The following FANCI variants were observed in gnomAD, a reference collection of about 807,000 sequenced individuals.
FANCI encodes the protein FA complementation group I.
In FANCI, 156 loss-of-function variants were observed where a neutral mutation model predicts 176.1. The observed-to-expected ratio is 0.89, with a 90% CI of 0.78 to 1.01. FANCI has a LOEUF of 1.01. FANCI is among the 50% of genes least tolerant of loss of function. The probability of loss-of-function intolerance (pLI) is 0.00; values close to 1 mark genes in which losing one functional copy is unlikely to be tolerated. For synonymous variants in FANCI, 613 were observed against 541.7 expected (o/e 1.13, Z -1.83); for missense variants, 1,678 against 1,534.1 (o/e 1.09, Z -1.57).
At chr15:89,307,964 A>G in intron 34 of FANCI, 1 of 1,293,938 alleles carries the variant, frequency 7.7e-7, no homozygotes, top group Non-Finnish European at 9.9e-7. Context: ...TTCCTGGGTG[A>G]CTGAAAGTCC....
Position 89,273,375 on chromosome 15 carries a change from AGGTAG to A in FANCI, c.883_887del (p.Val295ThrfsTer7). 3 of 1,524,620 alleles carry A rather than the reference AGGTAG, an allele frequency of 2.0e-6. No homozygotes were observed. The highest frequency in any genetic ancestry group is 2.7e-6 in the Non-Finnish European group (3 of 1,101,220). 94.4% of individuals were successfully genotyped at this position (1,524,620 alleles called of 1,614,324 possible). On this transcript the variant is annotated splice_acceptor_variant and coding_sequence_variant, in exon 11 of 38. Coordinates refer to ENST00000310775, the MANE Select transcript of FANCI (RefSeq NM_001113378.2). LOFTEE classifies it high-confidence loss of function. Reference sequence around the variant, plus strand: ...GACTTCCTTTTGGTTGCTCTCTTCTAGGTAGGACAGCAAGGAGATTCCAATAATAA... The same window carrying A: ...GACTTCCTTTTGGTTGCTCTCTTCTAGACAGCAAGGAGATTCCAATAATAA...
intron 10 of FANCI, among the ~76,000 whole-genome samples, chr15:89,270,339 T>C (rs1596262567): frequency 6.6e-6 from 1 of 152,324 alleles, no homozygotes; most frequent in East Asian, 1.9e-4. Flanking sequence ...TCTTCATTTA[T>C]AGGTACATAT....
In FANCI at chr15:89,263,996, G is replaced by C. The variant is rs1357496291; in HGVS notation, c.639G>C (p.Leu213Phe). The C allele has an allele frequency of 8.7e-6, 14 of 1,613,878 alleles. No individual in the cohort carries two copies. In the Admixed American group the frequency reaches 2.3e-4, roughly 27 times the overall value. Residue 213 changes from leucine to phenylalanine, a missense_variant, in exon 8 of 38, where the codon TTG (leucine) becomes TTC (phenylalanine). Leu to Phe is a conservative substitution (Grantham distance 22). Coordinates refer to ENST00000310775, the MANE Select transcript of FANCI (RefSeq NM_001113378.2). ...TGAATCTTCAAGAAATACCACCTTT[G>C]GTCTATCAGCTTCTGGTTCTCTCCT... Reference protein sequence around the residue: ...SKMNLQEIPPLVYQLLVLSSK... With the variant: ...SKMNLQEIPPFVYQLLVLSSK...
intron 10 of FANCI, among the ~76,000 whole-genome samples, chr15:89,268,972 A>T (rs983664073): frequency 6.6e-6 from 1 of 152,208 alleles, no homozygotes; most frequent in Non-Finnish European, 1.5e-5. Context: ...GTCATTCATC[A>T]TGAAGTATTT....
intron 1 of FANCI, 23 bp from the exon 2 acceptor site, chr15:89,247,606 C>T (rs771902313): frequency 2.0e-6 from 3 of 1,522,892 alleles, no homozygotes; most frequent in Middle Eastern, 1.7e-4. Flanking sequence ...TCTTCACCCA[C>T]CTCTGACGTT....
At position 89,261,841 on chromosome 15, in the gene FANCI, T is replaced by C. The variant is rs754278545; in HGVS notation, c.466T>C (p.Cys156Arg). Residue 156 changes from cysteine (C) to arginine (R), a missense_variant, in exon 6 of 38, where the codon TGT (cysteine) becomes CGT (arginine). Coordinates refer to ENST00000310775, the MANE Select transcript of FANCI (RefSeq NM_001113378.2). ...YGKGVLSGEE[C>R]KKQLINTLCS... Reference sequence around the variant, plus strand: ...TCTAGGTGTACTGAGTGGGGAAGAATGTAAGAAACAGTTGATTAACACCCT... The same window carrying C: ...TCTAGGTGTACTGAGTGGGGAAGAACGTAAGAAACAGTTGATTAACACCCT... 9.3e-6 allele frequency: 15 copies of C among 1,614,012 alleles called. No individual in the cohort carries two copies. Among genetic ancestry groups the C allele is most frequent in the Non-Finnish European group, 1.2e-5 (14 of 1,180,006 alleles).
At chr15:89,247,160 T>G (rs2052025731) in intron 1 of FANCI, among the ~76,000 whole-genome samples, 1 of 151,074 alleles carries the variant, frequency 6.6e-6, no homozygotes, top group South Asian at 2.1e-4. Context: ...AGCCTCACAC[T>G]CTTGGGCTCC....
chr15:89,247,009 T>C (rs59329202), intron 1 of FANCI, among the ~76,000 whole-genome samples: 2,046 of 151,658 alleles, frequency 0.013, 30 homozygotes, highest in African/African-American at 0.047. Context: ...GACTTCGTGA[T>C]CTGCCCTCCT....
At position 89,295,675 on chromosome 15, in the gene FANCI, GA is replaced by G. The variant is rs930803424; in HGVS notation, c.2636+588del. On this transcript the variant is annotated intron_variant, in intron 24 of 37. Coordinates refer to ENST00000310775, the MANE Select transcript of FANCI (RefSeq NM_001113378.2). The stretch of plus-strand genomic sequence containing the variant: ...GAGCGAAACTCCATCTTAAAAGAGT[GA>G]AAAAAAGTGCAGTCATTGACATAGG... 1.3e-5 allele frequency among the ~76,000 whole-genome samples: 2 copies of G among 148,896 alleles called. 1 individual carries two copies. Among genetic ancestry groups the G allele is most frequent in the Admixed American group, 1.3e-4 (2 of 14,978 alleles).
chr15:89,245,149 A>G (rs572034016), intron 1 of FANCI: 1 of 149,920 alleles, frequency 6.7e-6, no homozygotes, highest in Non-Finnish European at 1.5e-5. Context: ...TTAACAACCT[A>G]TACTGAGCTT....
At chr15:89,271,252 A>T (rs114541487) in intron 10 of FANCI, among the ~76,000 whole-genome samples, 1,894 of 152,202 alleles carry the variant, frequency 0.012, 34 homozygotes, top group African/African-American at 0.043. Context: ...CTGTCACTAT[A>T]ATCCAATTTT....
chr15:89,247,654 C>G lies in FANCI; in HGVS notation c.7C>G (p.Gln3Glu). The change falls in exon 2 of 38, where the codon CAG (glutamine) becomes GAG (glutamate). Residue 3 changes from glutamine (Q) to glutamate (E), a missense_variant. Physicochemically the swap from Gln to Glu is conservative, Grantham distance 29. Coordinates refer to ENST00000310775, the MANE Select transcript of FANCI (RefSeq NM_001113378.2). MDQKILSLAAEKT... is the reference protein window; with the variant it reads MDEKILSLAAEKT... ...TTCTGTGATATGAGCAACAATGGAC[C>G]AGAAGATTTTATCTCTAGCAGCAGA... 6.2e-7 allele frequency: 1 copy of G among 1,613,834 alleles called. No individual in the cohort carries two copies. Among genetic ancestry groups the G allele is most frequent in the Non-Finnish European group, 8.5e-7 (1 of 1,179,856 alleles).
intron 10 of FANCI, among the ~76,000 whole-genome samples, chr15:89,271,049 TC>T (rs1405882796): frequency 1.3e-5 from 2 of 152,222 alleles, no homozygotes; most frequent in East Asian, 3.8e-4. Context: ...TTTGATCCAG[TC>T]TGTTGTTTTC....
intron 25 of FANCI, 128 bp downstream of exon 25, chr15:89,300,094 A>G: frequency 2.6e-6 from 3 of 1,139,786 alleles, no homozygotes; most frequent in Non-Finnish European, 4.0e-6. Flanking sequence ...AGTGACATCT[A>G]GTGGATTCAG....
Position 89,293,750 on chromosome 15 carries a change from G to A in FANCI, c.2292-83G>A, listed in dbSNP as rs905712582. ...CGTCTAAAATATGACATTTAAAGAA[G>A]CATTGTGATTATTATCATATGTAAA... On this transcript the variant is annotated intron_variant, in intron 22 of 37. Transcript: ENST00000310775. 4.8e-6 allele frequency: 6 copies of A among 1,244,960 alleles called. No homozygotes were observed. The African/African-American group carries it at 7.5e-5, about 15-fold the overall frequency. The allele number at this position is 1,244,960 out of a possible 1,614,324, so 77.1% of individuals were successfully genotyped here. A position where few individuals can be genotyped will look rare whatever the true frequency, so the allele number is the denominator to read the frequency against.
chr15:89,251,084 CAG>C (rs1272441219), intron 2 of FANCI, among the ~76,000 whole-genome samples: 21 of 152,082 alleles, frequency 1.4e-4, no homozygotes, highest in African/African-American at 2.4e-5. Flanking sequence ...ATAATCAAAA[CAG>C]TGGAGTAAAA....
chr15:89,315,527 G>T, intron 37 of FANCI, 138 bp downstream of exon 37: 1 of 700,052 alleles, frequency 1.4e-6, no homozygotes, highest in Non-Finnish European at 2.6e-6. Context: ...TGAGAGCAAA[G>T]GACTCTCAGA....
chr15:89,297,234 C>T (rs971891186), intron 24 of FANCI, among the ~76,000 whole-genome samples: 7 of 150,944 alleles, frequency 4.6e-5, no homozygotes, highest in South Asian at 2.1e-4. Context: ...ACATCTCAGG[C>T]GATGGGCGGC....
At position 89,261,651 on chromosome 15, in the gene FANCI, G is replaced by A; in HGVS notation, c.355G>A (p.Gly119Ser). 1 of 1,614,136 alleles carries A rather than the reference G, an allele frequency of 6.2e-7. No homozygotes were observed. Among genetic ancestry groups the A allele is most frequent in the East Asian group, 2.2e-5 (1 of 44,868 alleles). ...ANEFISAVRE[G>S]SLVNGKSLEL... ...TGAGTTTATTAGTGCTGTCAGAGAAGGCAGCCTAGTGAATGGAAAATCTTT... is the reference window on the plus strand; with the variant it reads ...TGAGTTTATTAGTGCTGTCAGAGAAAGCAGCCTAGTGAATGGAAAATCTTT... Residue 119 changes from glycine (G) to serine (S), a missense_variant, in exon 5 of 38, where the codon GGC (glycine) becomes AGC (serine). Transcript: ENST00000310775.
Sources: allele counts gnomAD v4.1 joint callset (sites outside exome capture counted in the v4.1 genomes callset), GRCh38; gene constraint gnomAD v4.1.1; transcripts MANE v1.5; gene names NCBI Gene and HGNC (gene_info 2026-07-23, HGNC 2026-07-21).